Variants in WASHC4 observed in about 807,000 individuals in gnomAD.
WASHC4 encodes the protein WASH complex subunit 4.
In WASHC4, 86 loss-of-function variants were observed where a neutral mutation model predicts 166.6. That is an observed-to-expected ratio of 0.52 (90% CI 0.43 to 0.62). WASHC4 has a LOEUF of 0.62. WASHC4 is among the 20% of genes least tolerant of loss of function. The probability of loss-of-function intolerance (pLI) is 0.00; values close to 1 mark genes in which losing one functional copy is unlikely to be tolerated. For synonymous variants in WASHC4, 446 were observed against 451.6 expected, an observed-to-expected ratio of 0.99 and a Z score of 0.16; for missense variants, 1,262 against 1,382.4, an observed-to-expected ratio of 0.91 and a Z score of 1.38.
Position 105,144,403 on chromosome 12 carries a change from T to C in WASHC4, c.2127T>C (p.Leu709=). The C allele has an allele frequency of 6.2e-7, 1 of 1,613,642 alleles. No homozygotes were observed. Among genetic ancestry groups the C allele is most frequent in the South Asian group, 1.1e-5 (1 of 91,070 alleles). ...PFKVGMKDLA[L]FFSLNPIRFF... ...AAGTTGGCATGAAAGACCTGGCTCT[T>C]TTTTTCTCTCTGAATCCAATTCGGT... Residue 709 remains leucine (L), a synonymous_variant, in exon 21 of 33, where the codon CTT becomes CTC. Transcript: ENST00000332180.
intron 4 of WASHC4, 25 bp downstream of exon 4, chr12:105,114,452 A>G (rs1413712681): frequency 7.1e-7 from 1 of 1,399,448 alleles, no homozygotes; most frequent in Non-Finnish European, 9.9e-7. Flanking sequence ...TCTTGTCTTA[A>G]AACTTTAAAA....
intron 12 of WASHC4, among the ~76,000 whole-genome samples, chr12:105,126,893 G>C (rs768370666): frequency 2.0e-5 from 3 of 151,934 alleles, no homozygotes; most frequent in Non-Finnish European, 4.4e-5. Flanking sequence ...AGGGTGTTTT[G>C]TGTGTGTGTT....
At chr12:105,150,944 G>C (rs992354820) in intron 25 of WASHC4, among the ~76,000 whole-genome samples, 1 of 152,078 alleles carries the variant, frequency 6.6e-6, no homozygotes, top group African/African-American at 2.4e-5. Flanking sequence ...CTGCCCCCAT[G>C]ATTCAGTTAT....
At chr12:105,121,279 A>G (rs1050761397) in intron 9 of WASHC4, 75 bp downstream of exon 9, 1 of 881,046 alleles carries the variant, frequency 1.1e-6, no homozygotes, top group East Asian at 2.6e-5. Context: ...GTAAACAGAT[A>G]TAAATAATAC....
chr12:105,130,284 G>A (rs757813172), intron 13 of WASHC4, among the ~76,000 whole-genome samples: 5 of 152,192 alleles, frequency 3.3e-5, no homozygotes, highest in Admixed American at 6.5e-5. Context: ...CTATTCTGGT[G>A]CCTCTGCAGC....
chr12:105,138,944 T>C (rs1361302845), intron 15 of WASHC4, among the ~76,000 whole-genome samples: 3 of 152,170 alleles, frequency 2.0e-5, no homozygotes, highest in African/African-American at 7.2e-5. Flanking sequence ...GCTGTGTTTT[T>C]TCCTAATTGC....
chr12:105,134,096 CTATT>C (rs1306731286), intron 14 of WASHC4, among the ~76,000 whole-genome samples, 200 bp downstream of exon 14: 3 of 151,998 alleles, frequency 2.0e-5, no homozygotes, highest in Admixed American at 6.6e-5. Flanking sequence ...TACAACTTGA[CTATT>C]TAGCTGTATC....
chr12:105,155,702 G>A (rs539861201), intron 26 of WASHC4, among the ~76,000 whole-genome samples: 12 of 5,476 alleles, frequency 2.2e-3, no homozygotes, highest in African/African-American at 3.3e-3. Flanking sequence ...TTAGCCGGGC[G>A]TGGTGGCGGA....
At chr12:105,123,139 CCTT>C (rs1463242154) in intron 10 of WASHC4, among the ~76,000 whole-genome samples, 1 of 152,136 alleles carries the variant, frequency 6.6e-6, no homozygotes, top group Non-Finnish European at 1.5e-5. Context: ...GATGGTGAAA[CCTT>C]CTCTCTACTA....
Position 105,114,261 on chromosome 12 carries a change from G to C in WASHC4, c.247G>C (p.Glu83Gln), listed in dbSNP as rs1422786395. Residue 83 changes from glutamate (E) to glutamine (Q), a missense_variant, in exon 3 of 33, where the codon GAA becomes CAA. Glu to Gln is a conservative substitution (Grantham distance 29, BLOSUM62 2). Coordinates refer to ENST00000332180, the MANE Select transcript of WASHC4 (RefSeq NM_015275.3). ...CTCTCTTTTGGAACTCATAAAGACT[G>C]AAAACAAGGTACAGAATCCTAAATC... ...QSSLLELIKT[E>Q]NKVLNKVITV... The C allele has an allele frequency of 6.2e-7, 1 of 1,609,844 alleles. No individual in the cohort carries two copies. Among genetic ancestry groups the C allele is most frequent in the Non-Finnish European group, 8.5e-7 (1 of 1,177,326 alleles).
chr12:105,148,329 CCTTGA>C, intron 24 of WASHC4: 1 of 985,346 alleles, frequency 1.0e-6, no homozygotes, highest in Non-Finnish European at 1.2e-6. Context: ...GTAAACTCTT[CCTTGA>C]CTTCTATCAT....
chr12:105,155,475 G>GCA (rs2135828870), intron 26 of WASHC4, among the ~76,000 whole-genome samples: 1 of 58 alleles, frequency 0.017, no homozygotes, highest in East Asian at 0.25. Context: ...AACAGTAGCA[G>GCA]AGGGGTGCAA....
rs776626849 is a variant in WASHC4 at position 105,122,179 on chromosome 12, C to A, written c.727C>A (p.Pro243Thr). 6.2e-7 allele frequency: 1 copy of A among 1,610,908 alleles called. No individual in the cohort carries two copies. Among genetic ancestry groups the A allele is most frequent in the South Asian group, 1.1e-5 (1 of 91,026 alleles). ...TGGAATTCAGGAAGAAAAATTAAAG[C>A]CATTTGAAAAGTTCTTGCTGAAGCT... ...KFGIQEEKLK[P>T]FEKFLLKLEG... The change falls in exon 10 of 33, where the codon CCA becomes ACA. Residue 243 changes from proline (P) to threonine (T), a missense_variant. Coordinates refer to ENST00000332180, the MANE Select transcript of WASHC4 (RefSeq NM_015275.3).
intron 24 of WASHC4, chr12:105,149,370 ACTTTTTTCTTTT>A (rs1000949678): frequency 1.8e-5 from 19 of 1,060,820 alleles, no homozygotes; most frequent in South Asian, 6.3e-5. Flanking sequence ...AATATTTTCC[ACTTTTTTCTTTT>A]CTTTTTTCTT....
At chr12:105,162,980 A>G in intron 30 of WASHC4, 135 bp downstream of exon 30, 1 of 549,668 alleles carries the variant, frequency 1.8e-6, no homozygotes, top group South Asian at 2.0e-5. Flanking sequence ...TTTTTTTGAG[A>G]CAGAGTCTCG....
In WASHC4 at chr12:105,152,392, G is replaced by C; in HGVS notation, c.2699G>C (p.Gly900Ala). 6.2e-7 allele frequency: 1 copy of C among 1,607,578 alleles called. No homozygotes were observed. Among genetic ancestry groups the C allele is most frequent in the Non-Finnish European group, 8.5e-7 (1 of 1,174,186 alleles). The change falls in exon 26 of 33, where the codon GGA (glycine) becomes GCA (alanine). Residue 900 changes from glycine to alanine, a missense_variant. By Grantham distance (60) the Gly-to-Ala change is moderately conservative (BLOSUM62 0). Transcript: ENST00000332180. ...EKFNRGIRKL[G>A]VTPEGQSYLD... The stretch of plus-strand genomic sequence containing the variant: ...TTCAATCGAGGCATCAGAAAACTTG[G>C]AGTAACACCTGAGGGACAGAGCTAC...
At position 105,126,059 on chromosome 12, in the gene WASHC4, A is replaced by G; in HGVS notation, c.842A>G (p.Asn281Ser). ...AATGGAGGAGTATCTGTGTCAAAAA[A>G]TAGTACTTTTGCTGAGGAATTTGCA... ...SLNGGVSVSK[N>S]STFAEEFAHS... Residue 281 changes from asparagine (N) to serine (S), a missense_variant, in exon 11 of 33, where the codon AAT becomes AGT. Coordinates refer to ENST00000332180, the MANE Select transcript of WASHC4 (RefSeq NM_015275.3). 3 of 1,612,970 alleles carry G rather than the reference A, an allele frequency of 1.9e-6. No homozygotes were observed. The East Asian group carries it at 6.7e-5, about 36-fold the overall frequency.
intron 25 of WASHC4, among the ~76,000 whole-genome samples, chr12:105,150,710 G>A (rs1040799380): frequency 6.6e-6 from 1 of 152,164 alleles, no homozygotes; most frequent in Non-Finnish European, 1.5e-5. Flanking sequence ...TTCTCATGCT[G>A]CTATGAAGAA....
Position 105,147,101 on chromosome 12 carries a change from T to G in WASHC4, c.2469T>G (p.Ile823Met). ...KHLNTINIRH[I>M]ANSIRTHGTG... ...TGAATACTATTAATATTCGGCATAT[T>G]GCTAATTCAATTCGAACACATGGCA... Residue 823 changes from isoleucine to methionine, a missense_variant, in exon 24 of 33, where the codon ATT becomes ATG. Ile to Met is a conservative substitution (Grantham distance 10). Coordinates refer to ENST00000332180, the MANE Select transcript of WASHC4 (RefSeq NM_015275.3). 6.2e-7 allele frequency: 1 copy of G among 1,612,092 alleles called. No individual in the cohort carries two copies. Among genetic ancestry groups the G allele is most frequent in the Non-Finnish European group, 8.5e-7 (1 of 1,178,132 alleles).
Sources: gnomAD v4.1 joint callset for allele counts (sites outside exome capture counted in the v4.1 genomes callset) on GRCh38, gnomAD v4.1.1 for gene constraint, MANE v1.5 for transcripts, NCBI Gene and HGNC (gene_info 2026-07-23, HGNC 2026-07-21) for gene names.